Variants in MYO1H observed in about 807,000 individuals in gnomAD.
MYO1H encodes the protein myosin IH, also known as unconventional myosin-Ih.
A neutral mutation model predicts 149.3 loss-of-function variants in MYO1H; 118 were observed. The observed-to-expected ratio is 0.79, with a 90% CI of 0.68 to 0.92. The LOEUF (loss-of-function observed/expected upper bound fraction) is 0.92, where lower values mean the gene tolerates loss of function less well. MYO1H is among the 40% of genes least tolerant of loss of function. MYO1H has a pLI of 0.00. For synonymous variants in MYO1H, 447 were observed against 465.2 expected (o/e 0.96, Z 0.50); for missense variants, 1,212 against 1,280.7 (o/e 0.95, Z 0.82).
At chr12:109,311,327 AAT>A in the MYO1H span, among the ~76,000 whole-genome samples, 1 of 152,196 alleles carries the variant, frequency 6.6e-6, no homozygotes, top group East Asian at 1.9e-4. Context: ...GAGGCCATTT[AAT>A]TAAAAAATTG....
the MYO1H span, among the ~76,000 whole-genome samples, chr12:109,329,701 A>G: frequency 6.6e-6 from 1 of 152,164 alleles, no homozygotes; most frequent in African/African-American, 2.4e-5. Context: ...TTCAACTAAT[A>G]ATAATTAACC....
intron 1 of MYO1H, among the ~76,000 whole-genome samples, chr12:109,369,801 G>A (rs1868944501): frequency 6.6e-6 from 1 of 152,160 alleles, no homozygotes; most frequent in Admixed American, 6.5e-5. Flanking sequence ...AGGCTCCCCT[G>A]TATTAGTCCA....
At chr12:109,368,568 A>G (rs1233862866) in intron 1 of MYO1H, among the ~76,000 whole-genome samples, 2 of 148,856 alleles carry the variant, frequency 1.3e-5, no homozygotes, top group Admixed American at 6.9e-5. Flanking sequence ...AGGCAGGAGA[A>G]TTGCTTGAAC....
chr12:109,406,467 T>TAA (rs56744077), intron 8 of MYO1H, among the ~76,000 whole-genome samples: 81 of 43,622 alleles, frequency 1.9e-3, no homozygotes, highest in African/African-American at 5.5e-3. Flanking sequence ...CCCTATCTCT[T>TAA]AAAAAAAAAA....
chr12:109,439,071 T>C (rs1433752042), intron 23 of MYO1H, among the ~76,000 whole-genome samples: 1 of 14,532 alleles, frequency 6.9e-5, no homozygotes, highest in Non-Finnish European at 1.2e-4. Flanking sequence ...GGTTTTGTTG[T>C]TGTTGTTTGT....
the MYO1H span, among the ~76,000 whole-genome samples, chr12:109,340,231 A>G: frequency 1.3e-5 from 2 of 152,156 alleles, no homozygotes; most frequent in Admixed American, 6.5e-5. Context: ...GCTGGAGTGC[A>G]GTGAGTGGCA....
intron 1 of MYO1H, among the ~76,000 whole-genome samples, chr12:109,362,285 GT>G (rs1868770772): frequency 6.6e-6 from 1 of 152,206 alleles, no homozygotes; most frequent in African/African-American, 2.4e-5. Flanking sequence ...ACATCTTTCT[GT>G]ATTCAGCCTT....
intron 6 of MYO1H, 30 bp from the exon 7 acceptor site, chr12:109,403,952 C>T (rs1046492908): frequency 2.7e-6 from 4 of 1,502,996 alleles, no homozygotes; most frequent in Admixed American, 1.7e-5. Flanking sequence ...ATAAAAATGA[C>T]ATTAAGTGAC....
exon 32 of MYO1H, chr12:109,447,428 AT>A: frequency 1.7e-6 from 1 of 592,560 alleles, no homozygotes; most frequent in Non-Finnish European, 3.0e-6. Flanking sequence ...CGAAGGCGCA[AT>A]TCTAAACACC....
the MYO1H span, among the ~76,000 whole-genome samples, chr12:109,338,083 G>A: frequency 1.1e-4 from 16 of 152,218 alleles, no homozygotes; most frequent in South Asian, 6.2e-4. Flanking sequence ...TGGATTTTTC[G>A]TTTTCGAGAC....
At chr12:109,344,058 C>T (rs1592774568), upstream of MYO1H, among the ~76,000 whole-genome samples, 1 of 152,152 alleles carries the variant, frequency 6.6e-6, no homozygotes, top group Admixed American at 6.5e-5. Flanking sequence ...TTGAGGAGTA[C>T]AAAGCAGGCA....
intron 1 of MYO1H, among the ~76,000 whole-genome samples, chr12:109,380,902 C>T (rs866067894): frequency 2.0e-5 from 3 of 152,112 alleles, no homozygotes; most frequent in Admixed American, 6.5e-5. Flanking sequence ...GGTGAGATCA[C>T]GTCATTGCAC....
At chr12:109,347,725 G>A (rs1181432675), upstream of MYO1H, among the ~76,000 whole-genome samples, 3 of 152,038 alleles carry the variant, frequency 2.0e-5, no homozygotes, top group African/African-American at 7.2e-5. Flanking sequence ...AAGGGAGGTT[G>A]GGTTTCCAGT....
At chr12:109,436,613 G>T in intron 22 of MYO1H, 57 bp downstream of exon 22, 1 of 1,242,102 alleles carries the variant, frequency 8.1e-7, no homozygotes, top group Non-Finnish European at 1.2e-6. Flanking sequence ...CTTGGCACCT[G>T]GGGGCACATT....
At chr12:109,445,393 A>G in intron 30 of MYO1H, 120 bp from the exon 31 acceptor site, 7 of 776,896 alleles carry the variant, frequency 9.0e-6, no homozygotes, top group Non-Finnish European at 1.4e-5. Flanking sequence ...AAACACTGTA[A>G]TAAAACAGGA....
rs553874609 is a variant in MYO1H at position 109,399,187 on chromosome 12, T to C, written c.570+1375T>C. On this transcript the variant is annotated intron_variant, in intron 5 of 31. Transcript: ENST00000310903. ...TAGCTATGCATATTTGAAAATTTTT[T>C]TGAAACTTCAACACATATACTGAAA... 2.0e-5 allele frequency among the ~76,000 whole-genome samples: 3 copies of C among 152,274 alleles called. No individual in the cohort carries two copies. The South Asian group carries it at 6.2e-4, about 32-fold the overall frequency.
chr12:109,391,560 A>G (rs996431103), intron 2 of MYO1H, among the ~76,000 whole-genome samples: 2 of 152,148 alleles, frequency 1.3e-5, no homozygotes, highest in African/African-American at 4.8e-5. Context: ...ATGTATCTTT[A>G]TAATAGAATG....
intron 1 of MYO1H, among the ~76,000 whole-genome samples, chr12:109,384,089 G>A (rs571864747): frequency 5.9e-5 from 9 of 152,288 alleles, no homozygotes; most frequent in South Asian, 2.1e-4. Flanking sequence ...TTAAATAATC[G>A]GAAGTTCTGG....
At chr12:109,353,169 A>T (rs147410232) in intron 1 of MYO1H, among the ~76,000 whole-genome samples, 4,874 of 152,026 alleles carry the variant, frequency 0.032, 267 homozygotes, top group African/African-American at 0.11. Context: ...GCCGAAGTGG[A>T]TGGATCACCT....
Sources: allele counts gnomAD v4.1 joint callset (sites outside exome capture counted in the v4.1 genomes callset), GRCh38; gene constraint gnomAD v4.1.1; transcripts MANE v1.5; gene names NCBI Gene and HGNC (gene_info 2026-07-23, HGNC 2026-07-21).